The following AK6 variants were observed in gnomAD, a reference collection of about 807,000 sequenced individuals.
The protein encoded by AK6 is adenylate kinase 6.
In AK6, 24 loss-of-function variants were observed where a neutral mutation model predicts 23.7. The observed-to-expected ratio is 1.01, with a 90% CI of 0.73 to 1.43. AK6 has a LOEUF of 1.43. AK6 is among the 40% of genes most tolerant of loss of function. The pLI is 0.00. For synonymous variants in AK6, 73 were observed against 69.8 expected (o/e 1.05, Z -0.23); for missense variants, 191 against 199.1 (o/e 0.96, Z 0.24).
At chr5:69,357,965 T>C (rs887751385) in intron 2 of AK6, among the ~76,000 whole-genome samples, 2 of 152,142 alleles carry the variant, frequency 1.3e-5, no homozygotes, top group East Asian at 1.9e-4. Flanking sequence ...CTATGTAGTA[T>C]AGACTAGGCA....
In AK6 at chr5:69,352,033, G is replaced by A. The variant is rs1468490012; in HGVS notation, c.*28C>T. 14 of 1,563,248 alleles carry A rather than the reference G, an allele frequency of 9.0e-6. No individual in the cohort carries two copies. The highest frequency in any genetic ancestry group is 1.2e-5 in the Non-Finnish European group (14 of 1,153,216). ...GATGTCGGCAGAGATATCAACAAGAGTGATTATTAAGTAGCTAGCCTTATA... is the reference window on the plus strand; with the variant it reads ...GATGTCGGCAGAGATATCAACAAGAATGATTATTAAGTAGCTAGCCTTATA... On this transcript the variant is annotated 3_prime_UTR_variant, in exon 5 of 5. Transcript: ENST00000380822.
intron 2 of AK6, 53 bp from the exon 3 acceptor site, chr5:69,356,006 A>T: frequency 6.9e-7 from 1 of 1,452,712 alleles, no homozygotes. Flanking sequence ...AACTTTAAGT[A>T]ATTTTCAATT....
intron 2 of AK6, among the ~76,000 whole-genome samples, chr5:69,363,762 C>G (rs1456132883): frequency 1.4e-5 from 2 of 147,860 alleles, no homozygotes; most frequent in African/African-American, 5.0e-5. Flanking sequence ...CCAGTCTGGG[C>G]GACAGAGGGA....
At chr5:69,355,981 A>C (rs1762075375) in intron 2 of AK6, 28 bp from the exon 3 acceptor site, 2 of 1,564,804 alleles carry the variant, frequency 1.3e-6, no homozygotes, top group Non-Finnish European at 1.7e-6. Context: ...TTGCTTGTTG[A>C]AATATTTTCT....
upstream of AK6, chr5:69,369,533 T>G: frequency 6.2e-7 from 1 of 1,611,150 alleles, no homozygotes. Flanking sequence ...TCACGTGCCC[T>G]TTGCTCTACA....
intron 2 of AK6, chr5:69,365,708 C>G: frequency 6.4e-7 from 1 of 1,570,252 alleles, no homozygotes; most frequent in Non-Finnish European, 8.6e-7. Context: ...TCGGCATGCT[C>G]TTGGGAGAAG....
chr5:69,365,402 A>G, intron 2 of AK6: 5 of 1,614,190 alleles, frequency 3.1e-6, no homozygotes, highest in Non-Finnish European at 4.2e-6. Flanking sequence ...GCAACCTAGG[A>G]CCTGAATATG....
chr5:69,366,595 C>T lies in AK6; in HGVS notation c.29G>A (p.Gly10Asp). MLLPNILLT[G>D]TPGVGKTTLG... Reference sequence around the variant, plus strand: ...TGTGGTTTTTCCAACCCCTGGTGTACCTGTAAGACAAGCCACAGAAAAATA... The same window carrying T: ...TGTGGTTTTTCCAACCCCTGGTGTATCTGTAAGACAAGCCACAGAAAAATA... Residue 10 changes from glycine (G) to aspartate (D), a missense_variant and splice_region_variant, in exon 2 of 5, where the codon GGT (glycine) becomes GAT (aspartate). Coordinates refer to ENST00000380822, the MANE Select transcript of AK6 (RefSeq NM_016283.5). The T allele has an allele frequency of 6.2e-7, 1 of 1,610,980 alleles. No homozygotes were observed. Among genetic ancestry groups the T allele is most frequent in the Non-Finnish European group, 8.5e-7 (1 of 1,177,334 alleles).
chr5:69,359,047 C>G (rs1465284651), intron 2 of AK6, among the ~76,000 whole-genome samples: 1 of 151,108 alleles, frequency 6.6e-6, no homozygotes, highest in East Asian at 1.9e-4. Context: ...TCGGGATCAC[C>G]CTGGATAACA....
chr5:69,369,245 CGGAGCCTCAGG>C, intron 1 of AK6: 1 of 223,312 alleles, frequency 4.5e-6, no homozygotes, highest in South Asian at 1.3e-4. Context: ...CGCCCCCCCC[CGGAGCCTCAGG>C]CCAACGGAAT....
intron 1 of AK6, chr5:69,369,260 A>C: frequency 2.0e-5 from 2 of 98,596 alleles, no homozygotes; most frequent in South Asian, 2.4e-4. Context: ...CCTCAGGCCA[A>C]CGGAATTAAC....
At chr5:69,369,619 A>G, upstream of AK6, 9 of 1,575,234 alleles carry the variant, frequency 5.7e-6, no homozygotes, top group Non-Finnish European at 6.9e-6. Flanking sequence ...CGGCGCCCCT[A>G]GCCTGCCCCG....
At chr5:69,369,608 G>A (rs1159530130), upstream of AK6, 3 of 1,582,720 alleles carry the variant, frequency 1.9e-6, no homozygotes, top group Non-Finnish European at 1.7e-6. Context: ...GAAGCCCACC[G>A]CGGCGCCCCT....
At chr5:69,356,528 G>A (rs887186773) in intron 2 of AK6, among the ~76,000 whole-genome samples, 1 of 151,912 alleles carries the variant, frequency 6.6e-6, no homozygotes, top group African/African-American at 2.4e-5. Context: ...GTGCACACCT[G>A]TAGTCCCAGT....
chr5:69,364,745 G>A (rs911509755), intron 2 of AK6: 11 of 661,658 alleles, frequency 1.7e-5, no homozygotes, highest in Middle Eastern at 4.3e-4. Context: ...ACCAACAATC[G>A]AATGAATGAC....
chr5:69,352,530 AG>A (rs1325881326), intron 4 of AK6, among the ~76,000 whole-genome samples: 1 of 152,050 alleles, frequency 6.6e-6, no homozygotes, highest in Non-Finnish European at 1.5e-5. Flanking sequence ...TTAGTAAATT[AG>A]CAAAATCTCA....
intron 1 of AK6, chr5:69,367,783 G>C (rs561179975): frequency 2.0e-5 from 3 of 152,240 alleles, no homozygotes; most frequent in Non-Finnish European, 4.4e-5. Context: ...GAGCTCAAGC[G>C]ATCTCCCCAC....
At chr5:69,365,544 GTAGCTTTCT>G in intron 2 of AK6, 1 of 1,613,972 alleles carries the variant, frequency 6.2e-7, no homozygotes, top group Non-Finnish European at 8.5e-7. Flanking sequence ...TGCATCAACA[GTAGCTTTCT>G]TAGCATGGCT....
rs528966074 is a variant in AK6, at chr5:69,366,826, T to C, written c.29-231A>G. On this transcript the variant is annotated intron_variant, in intron 1 of 4. Coordinates refer to ENST00000380822, the MANE Select transcript of AK6 (RefSeq NM_016283.5). ...CAGGCTGGAGTGCAGTGGCACAATC[T>C]TGGCTCACTGCAACCTCCACCTCCC... 8.8e-4 allele frequency: 428 copies of C among 488,060 alleles called. 1 individual carries two copies. In the Middle Eastern group the frequency reaches 0.014, roughly 16 times the overall value. 30.2% of individuals were successfully genotyped at this position (488,060 alleles called of 1,614,324 possible). A position where few individuals can be genotyped will look rare whatever the true frequency, so the allele number is the denominator to read the frequency against.
Sources: allele counts gnomAD v4.1 joint callset (sites outside exome capture counted in the v4.1 genomes callset), GRCh38; gene constraint gnomAD v4.1.1; transcripts MANE v1.5; gene names NCBI Gene and HGNC (gene_info 2026-07-23, HGNC 2026-07-21).